Variants in BMAL2 observed in about 807,000 individuals in gnomAD.
The protein encoded by BMAL2 is basic helix-loop-helix ARNT-like protein 2.
At chr12:27,363,085 C>T in the BMAL2 span, among the ~76,000 whole-genome samples, 1 of 152,182 alleles carries the variant, frequency 6.6e-6, no homozygotes, top group South Asian at 2.1e-4. Context: ...GCTGGGATTA[C>T]AGGCATGAGC....
chr12:27,343,426 A>T, the BMAL2 span, among the ~76,000 whole-genome samples: 1 of 152,194 alleles, frequency 6.6e-6, no homozygotes, highest in Non-Finnish European at 1.5e-5. Flanking sequence ...GGAATCATGT[A>T]TCTTTTATAG....
chr12:27,419,109 T>C, the BMAL2 span, among the ~76,000 whole-genome samples: 3 of 152,152 alleles, frequency 2.0e-5, no homozygotes, highest in Non-Finnish European at 4.4e-5. Flanking sequence ...AAAAGGTCCA[T>C]TCTCAAGAAT....
At chr12:27,350,704 G>C in the BMAL2 span, among the ~76,000 whole-genome samples, 4 of 152,110 alleles carry the variant, frequency 2.6e-5, no homozygotes, top group Non-Finnish European at 5.9e-5. Context: ...TTTGGAGACA[G>C]GGTCTTGCTC....
chr12:27,360,681 C>T, the BMAL2 span, among the ~76,000 whole-genome samples: 2 of 151,278 alleles, frequency 1.3e-5, no homozygotes, highest in Non-Finnish European at 2.9e-5. Context: ...CATCAGTAAC[C>T]TTCTGGTTTT....
At chr12:27,366,795 A>C in the BMAL2 span, among the ~76,000 whole-genome samples, 1 of 152,270 alleles carries the variant, frequency 6.6e-6, no homozygotes, top group African/African-American at 2.4e-5. Context: ...AATTAAATGT[A>C]GGTTCTAACA....
At chr12:27,368,205 T>C in the BMAL2 span, 11 of 1,594,102 alleles carry the variant, frequency 6.9e-6, no homozygotes, top group African/African-American at 1.3e-5. Context: ...TATGGATATG[T>C]ACAAAGTAAA....
the BMAL2 span, among the ~76,000 whole-genome samples, chr12:27,367,499 GA>G: frequency 2.6e-5 from 4 of 152,076 alleles, no homozygotes; most frequent in Non-Finnish European, 5.9e-5. Flanking sequence ...GATAACTATA[GA>G]AAAAAATTCT....
the BMAL2 span, chr12:27,401,717 T>G: frequency 7.2e-7 from 1 of 1,396,078 alleles, no homozygotes; most frequent in Non-Finnish European, 9.7e-7. Flanking sequence ...TGATTTCAAA[T>G]GAGTCTCTTT....
the BMAL2 span, among the ~76,000 whole-genome samples, chr12:27,377,903 AG>A: frequency 1.2e-4 from 19 of 152,280 alleles, no homozygotes; most frequent in East Asian, 1.9e-4. Context: ...TGGTTGGGGC[AG>A]GGGGTGTGGT....
the BMAL2 span, chr12:27,380,549 A>G: frequency 3.6e-5 from 32 of 890,396 alleles, no homozygotes; most frequent in Admixed American, 2.8e-4. Flanking sequence ...GCATTTGTCT[A>G]TAGTCTGTAT....
chr12:27,376,979 C>T, the BMAL2 span, among the ~76,000 whole-genome samples: 32 of 118,918 alleles, frequency 2.7e-4, no homozygotes, highest in South Asian at 1.3e-3. Context: ...CCAGCCTGGG[C>T]GACAGAGCAA....
chr12:27,401,873 A>G, the BMAL2 span, among the ~76,000 whole-genome samples: 1 of 152,176 alleles, frequency 6.6e-6, no homozygotes, highest in Non-Finnish European at 1.5e-5. Flanking sequence ...TCATTTCTGT[A>G]ATACATTCCT....
At chr12:27,350,195 A>G in the BMAL2 span, among the ~76,000 whole-genome samples, 1 of 152,190 alleles carries the variant, frequency 6.6e-6, no homozygotes, top group Non-Finnish European at 1.5e-5. Flanking sequence ...TGCCACAGTT[A>G]TTTCTAAAGC....
At chr12:27,420,408 A>T in the BMAL2 span, 83 of 1,614,050 alleles carry the variant, frequency 5.1e-5, no homozygotes, top group Admixed American at 1.8e-4. Flanking sequence ...GATGGTGCAC[A>T]GTTGGATTTC....
At chr12:27,411,786 C>T in the BMAL2 span, among the ~76,000 whole-genome samples, 1 of 152,074 alleles carries the variant, frequency 6.6e-6, no homozygotes, top group Admixed American at 6.6e-5. Context: ...TTCTCTCAGT[C>T]TTTGGGTTGC....
chr12:27,341,376 G>A, the BMAL2 span, among the ~76,000 whole-genome samples: 4 of 152,138 alleles, frequency 2.6e-5, no homozygotes, highest in East Asian at 1.9e-4. Context: ...AGATAATCAC[G>A]TGGTTTTTGT....
chr12:27,357,188 A>G, the BMAL2 span, among the ~76,000 whole-genome samples: 15 of 152,056 alleles, frequency 9.9e-5, no homozygotes, highest in Non-Finnish European at 1.3e-4. Flanking sequence ...TATTTTTGCA[A>G]TTGTGAATTG....
chr12:27,343,253 T>C, the BMAL2 span, among the ~76,000 whole-genome samples: 1 of 152,392 alleles, frequency 6.6e-6, no homozygotes, highest in Non-Finnish European at 1.5e-5. Context: ...AACATTTGCT[T>C]GTTGCAGTGT....
At chr12:27,409,083 T>G in the BMAL2 span, among the ~76,000 whole-genome samples, 3 of 152,096 alleles carry the variant, frequency 2.0e-5, no homozygotes, top group East Asian at 3.9e-4. Flanking sequence ...CACTGCTCAA[T>G]GAAATAAAAG....
Sources: allele counts gnomAD v4.1 joint callset (sites outside exome capture counted in the v4.1 genomes callset), GRCh38; gene constraint gnomAD v4.1.1; transcripts MANE v1.5; gene names NCBI Gene and HGNC (gene_info 2026-07-23, HGNC 2026-07-21).